Variants in RUNX1T1 observed in about 807,000 individuals in gnomAD.
RUNX1T1 encodes RUNX1 partner transcriptional co-repressor 1.
Under a neutral mutation model 62.8 loss-of-function variants are expected in RUNX1T1, and 4 were observed. The observed-to-expected ratio is 0.06, with a 90% CI of 0.03 to 0.15. RUNX1T1 has a LOEUF of 0.15. RUNX1T1 is among the 10% of genes least tolerant of loss of function. The pLI is 1.00. For synonymous variants in RUNX1T1, 291 were observed against 286.0 expected (o/e 1.02, Z -0.18); for missense variants, 508 against 754.3 (o/e 0.67, Z 3.82).
chr8:91,982,762 C>T (rs1207601515), intron 8 of RUNX1T1, among the ~76,000 whole-genome samples: 3 of 151,996 alleles, frequency 2.0e-5, no homozygotes, highest in African/African-American at 7.3e-5. Context: ...TCTATTATTT[C>T]AAGAAAATCT....
intron 6 of RUNX1T1, 80 bp from the exon 8 acceptor site, chr8:91,987,052 A>C: frequency 1.1e-6 from 1 of 902,978 alleles, no homozygotes; most frequent in East Asian, 2.4e-5. Flanking sequence ...AGCAAGGACT[A>C]TGTGGGCAAA....
chr8:92,078,214 A>G (rs78909006), intron 1 of RUNX1T1, among the ~76,000 whole-genome samples: 1 of 151,944 alleles, frequency 6.6e-6, no homozygotes, highest in Admixed American at 6.6e-5. Flanking sequence ...AAAAAAAAAA[A>G]GAGCTAATCT....
chr8:92,027,131 AAAAG>A, intron 1 of RUNX1T1, among the ~76,000 whole-genome samples: 1 of 147,126 alleles, frequency 6.8e-6, no homozygotes, highest in Non-Finnish European at 1.5e-5. Context: ...AAAAAAAAAA[AAAAG>A]AAAAACAAAC....
chr8:92,047,260 C>T (rs2130291078), intron 1 of RUNX1T1, among the ~76,000 whole-genome samples: 1 of 152,214 alleles, frequency 6.6e-6, no homozygotes, highest in African/African-American at 2.4e-5. Context: ...CTGGAAGGTG[C>T]TTCTCCCATA....
intron 1 of RUNX1T1, among the ~76,000 whole-genome samples, chr8:92,022,860 A>G (rs1824387723): frequency 6.6e-6 from 1 of 152,232 alleles, no homozygotes; most frequent in African/African-American, 2.4e-5. Context: ...CCCATTGTCC[A>G]TGGAATAAAA....
In RUNX1T1 at chr8:92,060,915, C is replaced by T. The variant is rs544997847; in HGVS notation, c.7+1631G>A. ...TATCCAAGTACAAGGTTTTCTAACA[C>T]AGTTGATGAGAGAGAGAGAGAGAGA... On this transcript the variant is annotated intron_variant, in intron 1 of 10. Coordinates refer to ENST00000396218, the Ensembl canonical transcript of RUNX1T1. Among the ~76,000 whole-genome samples the T allele has an allele frequency of 2.7e-5, 4 of 147,652 alleles. No homozygotes were observed. The South Asian group carries it at 8.6e-4, about 32-fold the overall frequency.
At chr8:92,009,821 T>C (rs1265410528) in intron 4 of RUNX1T1, 2 of 152,152 alleles carry the variant, frequency 1.3e-5, no homozygotes, top group African/African-American at 2.4e-5. Context: ...ATTATACCTT[T>C]AACCTTAAAT....
chr8:92,092,266 T>C (rs564596325), intron 1 of RUNX1T1, among the ~76,000 whole-genome samples: 1 of 152,346 alleles, frequency 6.6e-6, no homozygotes, highest in East Asian at 1.9e-4. Flanking sequence ...AGTTTCCTTT[T>C]TAATTAAAAT....
chr8:92,049,151 A>G (rs910960718), intron 1 of RUNX1T1, among the ~76,000 whole-genome samples: 1 of 152,202 alleles, frequency 6.6e-6, no homozygotes. Flanking sequence ...GAGAATGAAA[A>G]TACATATAAG....
upstream of RUNX1T1, among the ~76,000 whole-genome samples, chr8:92,066,151 G>T (rs1784008841): frequency 2.6e-5 from 4 of 152,172 alleles, no homozygotes; most frequent in South Asian, 8.3e-4. Flanking sequence ...GACTTTTTAT[G>T]TGCAAGACTT....
intron 1 of RUNX1T1, among the ~76,000 whole-genome samples, chr8:92,088,808 C>T (rs1836535646): frequency 6.6e-6 from 1 of 152,134 alleles, no homozygotes; most frequent in African/African-American, 2.4e-5. Context: ...CGGTGGCCAC[C>T]CATCTCTTGA....
chr8:91,977,639 G>C (rs1814261726), intron 8 of RUNX1T1, among the ~76,000 whole-genome samples: 1 of 152,022 alleles, frequency 6.6e-6, no homozygotes, highest in African/African-American at 2.4e-5. Context: ...CTTTTAAGGA[G>C]AAAAGACTTG....
intron 6 of RUNX1T1, 67 bp downstream of exon 7, chr8:91,991,572 C>G: frequency 6.6e-7 from 1 of 1,504,128 alleles, no homozygotes; most frequent in South Asian, 1.2e-5. Flanking sequence ...AAGTTAAGTT[C>G]AGAAATAATG....
At chr8:92,043,172 A>G (rs559602006) in intron 1 of RUNX1T1, among the ~76,000 whole-genome samples, 2 of 152,208 alleles carry the variant, frequency 1.3e-5, no homozygotes, top group African/African-American at 4.8e-5. Flanking sequence ...CCTCTTTGCT[A>G]GTGACTATAT....
chr8:92,059,836 A>G (rs889172341), intron 1 of RUNX1T1, among the ~76,000 whole-genome samples: 2 of 152,108 alleles, frequency 1.3e-5, no homozygotes, highest in African/African-American at 4.8e-5. Flanking sequence ...TCTTTTGGAA[A>G]CTTGAACTTA....
chr8:91,997,752 C>T (rs767808868), intron 5 of RUNX1T1, among the ~76,000 whole-genome samples: 1 of 152,138 alleles, frequency 6.6e-6, no homozygotes, highest in Non-Finnish European at 1.5e-5. Context: ...CAGTATCCCC[C>T]AGAGCCACAG....
chr8:91,976,660 TAA>T (rs1426449153), intron 8 of RUNX1T1, among the ~76,000 whole-genome samples: 1 of 152,226 alleles, frequency 6.6e-6, no homozygotes, highest in East Asian at 1.9e-4. Flanking sequence ...TCTCAAATTT[TAA>T]AAGTTTAAGA....
downstream of RUNX1T1, chr8:91,958,903 T>C (rs940027146): frequency 1.5e-5 from 3 of 195,742 alleles, no homozygotes; most frequent in Admixed American, 6.1e-5. Context: ...CTCCGAAAGA[T>C]AGCTTTTCTT....
chr8:92,061,589 G>T (rs777753090), intron 1 of RUNX1T1, among the ~76,000 whole-genome samples: 2 of 152,130 alleles, frequency 1.3e-5, no homozygotes, highest in African/African-American at 2.4e-5. Flanking sequence ...CATCCTAAAG[G>T]GAAAAACATT....
Sources: allele counts gnomAD v4.1 joint callset (sites outside exome capture counted in the v4.1 genomes callset), GRCh38; gene constraint gnomAD v4.1.1; transcripts MANE v1.5; gene names NCBI Gene and HGNC (gene_info 2026-07-23, HGNC 2026-07-21).